The following CDKN2B-AS1 variants were observed in gnomAD, a reference collection of about 807,000 sequenced individuals.
CDKN2B-AS1 encodes the protein CDKN2B and CDKN2A antisense cis and trans regulatory RNA 1, also known as CDKN2B antisense RNA 1 (non-protein coding).
At chr9:22,095,251 C>T (rs1587524692) in intron 4 of CDKN2B-AS1, among the ~76,000 whole-genome samples, 1 of 144,852 alleles carries the variant, frequency 6.9e-6, no homozygotes, top group East Asian at 2.0e-4. Flanking sequence ...TTAGGCTACT[C>T]GGGGGTCAGG....
At chr9:22,002,318 C>A (rs1344365609) in intron 1 of CDKN2B-AS1, among the ~76,000 whole-genome samples, 2 of 151,962 alleles carry the variant, frequency 1.3e-5, no homozygotes, top group African/African-American at 4.8e-5. Context: ...TTTTGCATAT[C>A]ATTAGTTCTA....
At position 22,047,227 on chromosome 9, in the gene CDKN2B-AS1, T is replaced by G. The variant is rs1403176655; in HGVS notation, n.179+327T>G. 3.3e-5 allele frequency among the ~76,000 whole-genome samples: 5 copies of G among 152,282 alleles called. No individual in the cohort carries two copies. In the East Asian group the frequency reaches 9.6e-4, roughly 29 times the overall value. On this transcript the variant is annotated intron_variant and non_coding_transcript_variant, in intron 2 of 4. Coordinates refer to ENST00000650946, the Ensembl canonical transcript of CDKN2B-AS1. ...TTTATTTTGTCTGTACCCAATAGCT[T>G]TTCCCAAGCCTTAAAACTATGTATA...
At chr9:22,054,302 A>T (rs769384654) in intron 3 of CDKN2B-AS1, among the ~76,000 whole-genome samples, 19 of 152,228 alleles carry the variant, frequency 1.2e-4, no homozygotes, top group Non-Finnish European at 2.6e-4. Flanking sequence ...GCATGCTCTT[A>T]GTCACTACAT....
At chr9:22,097,977 C>T (rs1171824377) in intron 4 of CDKN2B-AS1, among the ~76,000 whole-genome samples, 1 of 152,140 alleles carries the variant, frequency 6.6e-6, no homozygotes, top group Non-Finnish European at 1.5e-5. Flanking sequence ...GCTGATAGTT[C>T]AGAGTTGTGA....
At chr9:22,096,444 A>G (rs535011084) in intron 4 of CDKN2B-AS1, 39 of 152,226 alleles carry the variant, frequency 2.6e-4, no homozygotes, top group African/African-American at 9.2e-4. Flanking sequence ...GTGTGGAGAC[A>G]CACAGATGCC....
intron 4 of CDKN2B-AS1, among the ~76,000 whole-genome samples, chr9:22,096,826 C>G (rs991286039): frequency 6.6e-6 from 1 of 152,170 alleles, no homozygotes; most frequent in Non-Finnish European, 1.5e-5. Flanking sequence ...CTGGCCTTCT[C>G]CAGCTCACTC....
At chr9:22,111,695 C>G (rs1043750064) in intron 4 of CDKN2B-AS1, among the ~76,000 whole-genome samples, 1 of 151,948 alleles carries the variant, frequency 6.6e-6, no homozygotes, top group Non-Finnish European at 1.5e-5. Flanking sequence ...TTCGCAATAC[C>G]TAACACTTAT....
At chr9:22,031,396 G>A (rs1466719005) in intron 1 of CDKN2B-AS1, among the ~76,000 whole-genome samples, 3 of 152,142 alleles carry the variant, frequency 2.0e-5, no homozygotes, top group East Asian at 1.9e-4. Context: ...GTTATATGAG[G>A]TGAATAGAGA....
intron 3 of CDKN2B-AS1, among the ~76,000 whole-genome samples, chr9:22,055,595 T>A (rs1026146311): frequency 2.0e-5 from 3 of 152,172 alleles, no homozygotes; most frequent in African/African-American, 4.8e-5. Flanking sequence ...AATATAACTT[T>A]AAAAAAACCT....
In CDKN2B-AS1 at chr9:22,114,244, ACAAT is replaced by A. The variant is rs529500385; in HGVS notation, n.439-12856_439-12853del. The stretch of plus-strand genomic sequence containing the variant: ...TCTTATACCTGGTCAAACTTCTCTT[ACAAT>A]CACCTGTGACTTTCCCTCTTGGTCT... On this transcript the variant is annotated intron_variant and non_coding_transcript_variant, in intron 4 of 4. Transcript: ENST00000650946. 5.3e-5 allele frequency among the ~76,000 whole-genome samples: 8 copies of A among 152,318 alleles called. No individual in the cohort carries two copies. The East Asian group carries it at 1.5e-3, about 29-fold the overall frequency.
intron 4 of CDKN2B-AS1, among the ~76,000 whole-genome samples, chr9:22,121,748 A>G (rs758790796): frequency 5.9e-5 from 9 of 152,128 alleles, no homozygotes; most frequent in Non-Finnish European, 1.0e-4. Flanking sequence ...ATGGCTTAAT[A>G]GTATTTCATT....
At chr9:22,110,154 C>T (rs1825767888) in intron 4 of CDKN2B-AS1, among the ~76,000 whole-genome samples, 1 of 152,126 alleles carries the variant, frequency 6.6e-6, no homozygotes, top group African/African-American at 2.4e-5. Flanking sequence ...ACTTAATCCA[C>T]TATTATTCTC....
chr9:22,044,400 G>A (rs1823023742), intron 1 of CDKN2B-AS1, among the ~76,000 whole-genome samples: 1 of 151,956 alleles, frequency 6.6e-6, no homozygotes. Flanking sequence ...TTCAATCAAA[G>A]TGTAACTTTG....
Position 21,995,461 on chromosome 9 carries a change from C to G in CDKN2B-AS1, n.29+300C>G, listed in dbSNP as rs1820615858. ...GCCGCCTCCACGCTCTGCCCCGCGCCCAGACACCCCGACTCCCCTTGATCC... is the reference window on the plus strand; with the variant it reads ...GCCGCCTCCACGCTCTGCCCCGCGCGCAGACACCCCGACTCCCCTTGATCC... On this transcript the variant is annotated intron_variant and non_coding_transcript_variant, in intron 1 of 4. Transcript: ENST00000650946. This position sits in a 1 kb window ranked among gnomAD's most constrained non-coding sequence, Gnocchi z 5.7. 1 of 152,564 alleles carries G rather than the reference C, an allele frequency of 6.6e-6. No homozygotes were observed. Among genetic ancestry groups the G allele is most frequent in the Non-Finnish European group, 1.5e-5 (1 of 68,256 alleles). 9.5% of individuals were successfully genotyped at this position (152,564 alleles called of 1,614,324 possible).
intron 1 of CDKN2B-AS1, among the ~76,000 whole-genome samples, chr9:22,028,986 C>T (rs998998228): frequency 1.3e-5 from 2 of 151,948 alleles, no homozygotes; most frequent in Admixed American, 1.3e-4. Context: ...GAACTTGTTT[C>T]TCTAACTGGC....
intron 4 of CDKN2B-AS1, chr9:22,120,475 A>T (rs1826069134): frequency 7.7e-6 from 1 of 130,482 alleles, no homozygotes; most frequent in Non-Finnish European, 1.8e-5. Flanking sequence ...TATTGTAAGC[A>T]CTTCTACCTT....
At chr9:22,060,007 C>T (rs1225973346) in intron 4 of CDKN2B-AS1, among the ~76,000 whole-genome samples, 19 of 152,170 alleles carry the variant, frequency 1.2e-4, no homozygotes, top group Admixed American at 1.2e-3. Context: ...CATGAAACCA[C>T]TTTTTCCTCT....
chr9:22,001,114 G>C lies in CDKN2B-AS1; in HGVS notation n.29+5953G>C, dbSNP rs1234025912. On this transcript the variant is annotated intron_variant and non_coding_transcript_variant, in intron 1 of 4. Coordinates refer to ENST00000650946, the Ensembl canonical transcript of CDKN2B-AS1. The surrounding 1 kb of genome is among the most constrained non-coding windows in gnomAD (Gnocchi z 4.2). ...GAATGGAGACCCAGAGGTCACATAA[G>C]ACAGGGTTCAGAGGAAGTAGCCCCA... is the stretch of plus-strand genomic sequence containing the variant. 1.3e-5 allele frequency among the ~76,000 whole-genome samples: 2 copies of C among 152,160 alleles called. No individual in the cohort carries two copies. Among genetic ancestry groups the C allele is most frequent in the Non-Finnish European group, 2.9e-5 (2 of 68,002 alleles).
chr9:22,004,684 A>C (rs572111377), intron 1 of CDKN2B-AS1: 1 of 232,762 alleles, frequency 4.3e-6, no homozygotes, highest in Non-Finnish European at 8.5e-6. Context: ...GTTCAGTGAT[A>C]GTAGGACATC....
Sources: gnomAD v4.1 joint callset for allele counts (sites outside exome capture counted in the v4.1 genomes callset) on GRCh38, gnomAD v4.1.1 for gene constraint, Gnocchi (gnomAD v3.1) non-coding constraint, MANE v1.5 for transcripts, NCBI Gene and HGNC (gene_info 2026-07-23, HGNC 2026-07-21) for gene names.